The following NDUFB8 variants were observed in gnomAD, a reference collection of about 807,000 sequenced individuals.
The protein encoded by NDUFB8 is NADH:ubiquinone oxidoreductase subunit B8, also known as NADH dehydrogenase [ubiquinone] 1 beta subcomplex subunit 8, mitochondrial.
A neutral mutation model predicts 26.0 loss-of-function variants in NDUFB8; 17 were observed. The observed-to-expected ratio is 0.65, with a 90% CI of 0.45 to 0.98. The LOEUF (loss-of-function observed/expected upper bound fraction) is 0.98. Among genes scored for constraint, NDUFB8 ranks in the 50% least tolerant of loss-of-function variants. The probability of loss-of-function intolerance (pLI) is 0.00; values close to 1 mark genes in which losing one functional copy is unlikely to be tolerated. For missense variants in NDUFB8, 238 were observed against 255.0 expected, an observed-to-expected ratio of 0.93 and a Z score of 0.45; for synonymous variants, 89 against 93.1, an observed-to-expected ratio of 0.96 and a Z score of 0.25.
chr10:100,526,705 C>T, intron 3 of NDUFB8, 151 bp from the exon 4 acceptor site: 1 of 954,898 alleles, frequency 1.0e-6, no homozygotes, highest in South Asian at 1.5e-5. Flanking sequence ...GCACACTGCC[C>T]TACAGGATTA....
intron 3 of NDUFB8, 157 bp from the exon 4 acceptor site, chr10:100,526,711 G>T: frequency 1.1e-6 from 1 of 911,042 alleles, no homozygotes; most frequent in Non-Finnish European, 1.7e-6. Flanking sequence ...TGCCCTACAG[G>T]ATTAGATGCT....
intron 4 of NDUFB8, 23 bp from the exon 5 acceptor site, chr10:100,523,952 G>C: frequency 6.2e-7 from 1 of 1,613,916 alleles, no homozygotes; most frequent in African/African-American, 1.3e-5. Context: ...ACACAGGTCA[G>C]CAAGAACATA....
intron 2 of NDUFB8, 110 bp downstream of exon 2, chr10:100,529,270 C>T (rs182138271): frequency 1.0e-6 from 1 of 977,746 alleles, no homozygotes; most frequent in East Asian, 5.7e-5. Context: ...ACTCCATTGA[C>T]TCTGAGGGGT....
rs547325947 is a variant in NDUFB8, at chr10:100,525,204, G to A, written c.468+1195C>T. Among the ~76,000 whole-genome samples, 11 of 152,098 alleles carry A rather than the reference G, an allele frequency of 7.2e-5. No homozygotes were observed. The South Asian group carries it at 1.5e-3, about 20-fold the overall frequency. On this transcript the variant is annotated intron_variant, in intron 4 of 4. Transcript: ENST00000299166. ...CCAATGCAGCCGGTTATTTAGGAAC[G>A]ATTCTATACCTCTATTCTACTCCAG...
intron 2 of NDUFB8, among the ~76,000 whole-genome samples, chr10:100,528,002 C>T (rs963818007): frequency 2.0e-4 from 31 of 152,208 alleles, no homozygotes; most frequent in African/African-American, 7.5e-4. Context: ...GTATTTTTAG[C>T]AGAGACAGGG....
rs1564658791 is a variant in NDUFB8 at position 100,529,476 on chromosome 10, C to T, written c.116G>A (p.Gly39Glu). Residue 39 changes from glycine to glutamate, a missense_variant, in exon 2 of 5, where the codon GGG becomes GAG. Physicochemically the swap from Gly to Glu is moderately conservative, Grantham distance 98 (BLOSUM62 -2). Coordinates refer to ENST00000299166, the MANE Select transcript of NDUFB8 (RefSeq NM_005004.4). ...ASHMTKDMFP[G>E]PYPRTPEERA... ...TTCTTCTGGGGTCCTAGGATAGGGC[C>T]CCGGGAACATGTCCTTGGTCATGTG... The T allele has an allele frequency of 6.2e-7, 1 of 1,612,544 alleles. No individual in the cohort carries two copies.
intron 2 of NDUFB8, chr10:100,529,167 G>T (rs951365924): frequency 7.4e-6 from 3 of 404,164 alleles, no homozygotes; most frequent in Non-Finnish European, 4.3e-6. Context: ...CTCATTTGAG[G>T]AAACAGCCTG....
Position 100,524,111 on chromosome 10 carries a change from C to A in NDUFB8, c.469-182G>T, listed in dbSNP as rs1852003648. Reference sequence around the variant, plus strand: ...CACTCAGCCCAAGGCAGAGAGAAAGCCTAAATTGTAAGAGAAGTGGTGCCT... The same window carrying A: ...CACTCAGCCCAAGGCAGAGAGAAAGACTAAATTGTAAGAGAAGTGGTGCCT... On this transcript the variant is annotated intron_variant, in intron 4 of 4. Transcript: ENST00000299166. The surrounding 1 kb of genome is among the most constrained non-coding windows in gnomAD (Gnocchi z 4.0). 4.4e-6 allele frequency: 7 copies of A among 1,577,274 alleles called. No homozygotes were observed. Among genetic ancestry groups the A allele is most frequent in the Non-Finnish European group, 6.0e-6 (7 of 1,162,088 alleles).
At chr10:100,527,519 C>A (rs537061792) in intron 2 of NDUFB8, among the ~76,000 whole-genome samples, 2 of 152,254 alleles carry the variant, frequency 1.3e-5, no homozygotes, top group East Asian at 3.9e-4. Flanking sequence ...AGGAGAATCA[C>A]TTGAACCCAA....
Position 100,526,521 on chromosome 10 carries a change from G to A in NDUFB8, c.346C>T (p.Arg116Cys), listed in dbSNP as rs150699698. The A allele has an allele frequency of 7.0e-5, 113 of 1,612,404 alleles. No homozygotes were observed. The highest frequency in any genetic ancestry group is 1.6e-4 in the Middle Eastern group (1 of 6,070). Residue 116 changes from arginine (R) to cysteine (C), a missense_variant, in exon 4 of 5, where the codon CGT becomes TGT. Physicochemically the swap from Arg to Cys is radical, Grantham distance 180. Coordinates refer to ENST00000299166, the MANE Select transcript of NDUFB8 (RefSeq NM_005004.4). ...ACAGGTGTGGGGGATGTATCCACAC[G>A]GTTCCTGTTGTACATGTCTAGGTGC... ...HWHLDMYNRN[R>C]VDTSPTPVSW...
At chr10:100,529,892 G>T, upstream of NDUFB8, 2 of 1,597,472 alleles carry the variant, frequency 1.3e-6, no homozygotes, top group Non-Finnish European at 1.7e-6. Context: ...ATGCGCAAAG[G>T]CCTGTCACGG....
At position 100,524,191 on chromosome 10, in the gene NDUFB8, G is replaced by A; in HGVS notation, c.469-262C>T. 1.4e-6 allele frequency: 2 copies of A among 1,445,276 alleles called. No individual in the cohort carries two copies. The highest frequency in any genetic ancestry group is 3.9e-5 in the Admixed American group (2 of 51,356). 89.5% of individuals were successfully genotyped at this position (1,445,276 alleles called of 1,614,324 possible). On this transcript the variant is annotated intron_variant, in intron 4 of 4. Coordinates refer to ENST00000299166, the MANE Select transcript of NDUFB8 (RefSeq NM_005004.4). This position sits in a 1 kb window ranked among gnomAD's most constrained non-coding sequence, Gnocchi z 4.0. ...GGGAAGGGGGTTAGGGAAAGGAGGG[G>A]AAGGGAGGAAGACAGGGAGGGAGGT...
In NDUFB8 at chr10:100,526,487, T is replaced by C; in HGVS notation, c.380A>G (p.His127Arg). Residue 127 changes from histidine (H) to arginine (R), a missense_variant, in exon 4 of 5, where the codon CAT (histidine) becomes CGT (arginine). Coordinates refer to ENST00000299166, the MANE Select transcript of NDUFB8 (RefSeq NM_005004.4). ...ACCGAAGAGCTGCATACACATGACA[T>C]GCCAAGAAACAGGTGTGGGGGATGT... ...VDTSPTPVSW[H>R]VMCMQLFGFL... is the part of the protein sequence containing the mutation. 1 of 1,612,762 alleles carries C rather than the reference T, an allele frequency of 6.2e-7. No homozygotes were observed.
chr10:100,529,812 G>C lies in NDUFB8; in HGVS notation c.40C>G (p.Leu14Val). 1 of 1,613,834 alleles carries C rather than the reference G, an allele frequency of 6.2e-7. No homozygotes were observed. Among genetic ancestry groups the C allele is most frequent in the Non-Finnish European group, 8.5e-7 (1 of 1,179,942 alleles). ...ARAGVLGVQW[L>V]QRASRNVMPL... Reference sequence around the variant, plus strand: ...ATCACGTTCCGGGATGCCCTTTGCAGCCACTGGACTCCCAAGACCCCGGCC... The same window carrying C: ...ATCACGTTCCGGGATGCCCTTTGCACCCACTGGACTCCCAAGACCCCGGCC... Residue 14 changes from leucine (L) to valine (V), a missense_variant, in exon 1 of 5, where the codon CTG becomes GTG. Physicochemically the swap from Leu to Val is conservative, Grantham distance 32 (BLOSUM62 1). Coordinates refer to ENST00000299166, the MANE Select transcript of NDUFB8 (RefSeq NM_005004.4).
chr10:100,526,866 T>G, intron 3 of NDUFB8, 109 bp downstream of exon 3: 1 of 1,080,884 alleles, frequency 9.3e-7, no homozygotes, highest in Non-Finnish European at 1.4e-6. Flanking sequence ...CCTTGCTTCC[T>G]TGAGCAGGAA....
chr10:100,526,343 C>T, intron 4 of NDUFB8, 56 bp downstream of exon 4: 1 of 1,515,332 alleles, frequency 6.6e-7, no homozygotes, highest in Non-Finnish European at 8.8e-7. Flanking sequence ...GACTTCACTC[C>T]CTCAGGAAAT....
At position 100,527,021 on chromosome 10, in the gene NDUFB8, C is replaced by G. The variant is rs773596188; in HGVS notation, c.266G>C (p.Trp89Ser). ...PDRSQHERDP[W>S]YSWDQPGLRL... ...CAGGCCCGGCTGGTCCCAGCTATAC[C>G]ATGGATCTCTCTCATGCTGTGAGCG... Residue 89 changes from tryptophan (W) to serine (S), a missense_variant, in exon 3 of 5, where the codon TGG becomes TCG. Transcript: ENST00000299166. 1.9e-5 allele frequency: 31 copies of G among 1,614,134 alleles called. No individual in the cohort carries two copies. Among genetic ancestry groups the G allele is most frequent in the Non-Finnish European group, 2.5e-5 (30 of 1,180,018 alleles).
chr10:100,524,674 G>T lies in NDUFB8; in HGVS notation c.469-745C>A, dbSNP rs1298067896. ...ACCAGCTACCTTCAGGACATTGATT[G>T]TCTCTGCAGAGGTAGCACTGGGCAG... is the stretch of plus-strand genomic sequence containing the variant. On this transcript the variant is annotated intron_variant, in intron 4 of 4. Coordinates refer to ENST00000299166, the MANE Select transcript of NDUFB8 (RefSeq NM_005004.4). This position sits in a 1 kb window ranked among gnomAD's most constrained non-coding sequence, Gnocchi z 4.0. 6.6e-6 allele frequency among the ~76,000 whole-genome samples: 1 copy of T among 152,214 alleles called. No homozygotes were observed. Among genetic ancestry groups the T allele is most frequent in the Non-Finnish European group, 1.5e-5 (1 of 68,032 alleles).
Position 100,524,233 on chromosome 10 carries a change from G to A in NDUFB8, c.469-304C>T, listed in dbSNP as rs1852006954. On this transcript the variant is annotated intron_variant, in intron 4 of 4. Coordinates refer to ENST00000299166, the MANE Select transcript of NDUFB8 (RefSeq NM_005004.4). This position sits in a 1 kb window ranked among gnomAD's most constrained non-coding sequence, Gnocchi z 4.0. ...GAGGGAGGTAAAGAAAGAGAGAAGAGTGTGTTAGAGTCAGAGGCAACACTT... is the reference window on the plus strand; with the variant it reads ...GAGGGAGGTAAAGAAAGAGAGAAGAATGTGTTAGAGTCAGAGGCAACACTT... 4 of 1,108,454 alleles carry A rather than the reference G, an allele frequency of 3.6e-6. No homozygotes were observed. The highest frequency in any genetic ancestry group is 4.0e-6 in the Non-Finnish European group (3 of 747,580). 68.7% of individuals were successfully genotyped at this position (1,108,454 alleles called of 1,614,324 possible). A position where few individuals can be genotyped will look rare whatever the true frequency, so the allele number is the denominator to read the frequency against.
Sources: allele counts gnomAD v4.1 joint callset (sites outside exome capture counted in the v4.1 genomes callset), GRCh38; gene constraint gnomAD v4.1.1; non-coding constraint Gnocchi (gnomAD v3.1); transcripts MANE v1.5; gene names NCBI Gene and HGNC (gene_info 2026-07-23, HGNC 2026-07-21).